SLC4A4: variants seen among roughly 807,000 people sequenced by gnomAD.
SLC4A4 encodes solute carrier family 4 member 4.
In SLC4A4, 27 loss-of-function variants were observed where a neutral mutation model predicts 111.5. The ratio of observed to expected loss-of-function variants is 0.24; its 90% CI spans 0.18 to 0.33. The LOEUF (loss-of-function observed/expected upper bound fraction) is 0.33. Among genes scored for constraint, SLC4A4 ranks in the 10% least tolerant of loss-of-function variants. SLC4A4 has a pLI of 1.00. For synonymous variants in SLC4A4, 443 were observed against 463.4 expected (o/e 0.96, Z 0.57); for missense variants, 909 against 1,315.5 (o/e 0.69, Z 4.78).
chr4:71,307,264 A>G (rs1725764811), intron 3 of SLC4A4, among the ~76,000 whole-genome samples: 1 of 152,188 alleles, frequency 6.6e-6, no homozygotes, highest in African/African-American at 2.4e-5. Flanking sequence ...AACCTCACCC[A>G]GGGCATTGTA....
chr4:71,096,834 C>G (rs1186263941), intron 2 of SLC4A4, among the ~76,000 whole-genome samples: 1 of 152,134 alleles, frequency 6.6e-6, no homozygotes, highest in Non-Finnish European at 1.5e-5. Context: ...GTCGTTGGAT[C>G]TTTTGTCTAC....
chr4:71,301,169 A>C (rs909696723), intron 3 of SLC4A4: 8 of 311,398 alleles, frequency 2.6e-5, no homozygotes, highest in African/African-American at 1.7e-4. Flanking sequence ...TAGGAGCAGC[A>C]TCAAGGTCCA....
intron 2 of SLC4A4, among the ~76,000 whole-genome samples, chr4:71,125,483 C>T (rs1042237277): frequency 6.6e-6 from 1 of 152,190 alleles, no homozygotes; most frequent in African/African-American, 2.4e-5. Context: ...TTGTTTGAAC[C>T]TGGGAAGTGG....
At chr4:71,520,375 C>G (rs1044057791) in intron 16 of SLC4A4, among the ~76,000 whole-genome samples, 1 of 152,180 alleles carries the variant, frequency 6.6e-6, no homozygotes, top group Non-Finnish European at 1.5e-5. Flanking sequence ...TCAACCAGCA[C>G]AAGGTCGGAT....
chr4:71,062,940 C>T (rs1741427210), intron 1 of SLC4A4, among the ~76,000 whole-genome samples: 1 of 152,068 alleles, frequency 6.6e-6, no homozygotes, highest in Admixed American at 6.6e-5. Flanking sequence ...AAAAGAAATA[C>T]TAATCTAGAA....
chr4:71,221,341 C>T (rs1012666100), intron 1 of SLC4A4, among the ~76,000 whole-genome samples: 2 of 152,112 alleles, frequency 1.3e-5, no homozygotes, highest in Non-Finnish European at 2.9e-5. Flanking sequence ...TGGGATGTAA[C>T]GTCCTTCCAC....
chr4:71,355,436 A>G (rs1685889743), intron 5 of SLC4A4, among the ~76,000 whole-genome samples: 1 of 152,220 alleles, frequency 6.6e-6, no homozygotes, highest in South Asian at 2.1e-4. Flanking sequence ...TTACAGGATC[A>G]ATTCTGATAG....
At chr4:71,390,924 A>G (rs1226127565) in intron 6 of SLC4A4, among the ~76,000 whole-genome samples, 1 of 152,098 alleles carries the variant, frequency 6.6e-6, no homozygotes, top group Non-Finnish European at 1.5e-5. Context: ...CTAACCTCAC[A>G]GTGTTGATAT....
intron 2 of SLC4A4, among the ~76,000 whole-genome samples, chr4:71,168,244 C>T (rs1458673142): frequency 7.3e-6 from 1 of 136,580 alleles, no homozygotes; most frequent in Non-Finnish European, 1.5e-5. Context: ...TACAGTGGTG[C>T]AATCTCGGTT....
intron 3 of SLC4A4, among the ~76,000 whole-genome samples, chr4:71,273,351 A>AAAT (rs1722835960): frequency 6.6e-6 from 1 of 152,192 alleles, no homozygotes; most frequent in Admixed American, 6.5e-5. Flanking sequence ...CAGAACTTAA[A>AAAT]AATAATTGGG....
intron 5 of SLC4A4, among the ~76,000 whole-genome samples, chr4:71,354,131 A>G (rs1298776478): frequency 1.3e-5 from 2 of 152,200 alleles, no homozygotes; most frequent in African/African-American, 2.4e-5. Context: ...CTACGTTTAA[A>G]GAGTGTCATT....
intron 3 of SLC4A4, among the ~76,000 whole-genome samples, chr4:71,263,627 T>C (rs985731266): frequency 6.6e-6 from 1 of 152,124 alleles, no homozygotes; most frequent in Non-Finnish European, 1.5e-5. Flanking sequence ...AAAATATAAA[T>C]AACCAAAGAA....
At chr4:71,403,727 T>G (rs893962013) in intron 7 of SLC4A4, among the ~76,000 whole-genome samples, 5 of 152,316 alleles carry the variant, frequency 3.3e-5, no homozygotes, top group African/African-American at 1.2e-4. Context: ...GGACCTTTTA[T>G]TTTATTCTGA....
At chr4:71,265,885 C>T (rs1722216705) in intron 3 of SLC4A4, among the ~76,000 whole-genome samples, 1 of 152,072 alleles carries the variant, frequency 6.6e-6, no homozygotes, top group Non-Finnish European at 1.5e-5. Flanking sequence ...TTAAAATTAC[C>T]AGCATACCAT....
At chr4:71,550,284 T>C (rs1241010112) in intron 20 of SLC4A4, among the ~76,000 whole-genome samples, 2 of 152,008 alleles carry the variant, frequency 1.3e-5, no homozygotes, top group Admixed American at 1.3e-4. Context: ...AGTTAGGCTA[T>C]TCCTTACTTC....
intron 2 of SLC4A4, among the ~76,000 whole-genome samples, chr4:71,123,664 T>A (rs1037437337): frequency 3.7e-4 from 56 of 152,220 alleles, no homozygotes; most frequent in African/African-American, 1.3e-3. Context: ...CAGACATTTT[T>A]GGAATAGTGT....
intron 1 of SLC4A4, among the ~76,000 whole-genome samples, chr4:71,084,673 C>T (rs145859222): frequency 0.013 from 1,977 of 151,926 alleles, 62 homozygotes; most frequent in African/African-American, 0.046. Context: ...TTTGTCCTTG[C>T]GATAGTTTGC....
At chr4:71,121,287 G>A (rs1349347870) in intron 2 of SLC4A4, among the ~76,000 whole-genome samples, 1 of 151,928 alleles carries the variant, frequency 6.6e-6, no homozygotes, top group African/African-American at 2.4e-5. Context: ...CCTGCTCCGT[G>A]GCGCCCGGTC....
intron 3 of SLC4A4, among the ~76,000 whole-genome samples, chr4:71,337,131 G>A (rs751282309): frequency 6.6e-6 from 1 of 152,176 alleles, no homozygotes; most frequent in Non-Finnish European, 1.5e-5. Flanking sequence ...TAGTTACGTA[G>A]TGATTTATGG....
Sources: allele counts gnomAD v4.1 joint callset (sites outside exome capture counted in the v4.1 genomes callset), GRCh38; gene constraint gnomAD v4.1.1; transcripts MANE v1.5; gene names NCBI Gene and HGNC (gene_info 2026-07-23, HGNC 2026-07-21).